KPNA6: variants seen among roughly 807,000 people sequenced by gnomAD.
KPNA6 encodes the protein karyopherin subunit alpha 6.
In KPNA6, 9 loss-of-function variants were observed where a neutral mutation model predicts 72.0. The observed-to-expected ratio is 0.13, with a 90% CI of 0.08 to 0.22. The LOEUF (loss-of-function observed/expected upper bound fraction) is 0.22, where lower values mean the gene tolerates loss of function less well. Among genes scored for constraint, KPNA6 ranks in the 10% least tolerant of loss-of-function variants. KPNA6 has a pLI of 1.00. For synonymous variants in KPNA6, 219 were observed against 242.1 expected (o/e 0.90, Z 0.89); for missense variants, 374 against 655.7 (o/e 0.57, Z 4.69).
intron 1 of KPNA6, among the ~76,000 whole-genome samples, chr1:32,122,773 C>T (rs1045386199): frequency 1.3e-5 from 2 of 151,796 alleles, no homozygotes; most frequent in Non-Finnish European, 2.9e-5. Flanking sequence ...CTAACCAACA[C>T]AGAGAAACCC....
intron 1 of KPNA6, among the ~76,000 whole-genome samples, chr1:32,116,509 T>C (rs772857602): frequency 6.6e-6 from 1 of 151,988 alleles, no homozygotes; most frequent in Non-Finnish European, 1.5e-5. Context: ...AAATACAAAA[T>C]TAGCCGGGTG....
intron 1 of KPNA6, among the ~76,000 whole-genome samples, chr1:32,148,275 G>GT (rs1379750913): frequency 6.6e-6 from 1 of 151,624 alleles, no homozygotes; most frequent in Non-Finnish European, 1.5e-5. Context: ...TGGCTAATTG[G>GT]TTTTTTAGTA....
chr1:32,124,457 C>G (rs1641495894), intron 1 of KPNA6, among the ~76,000 whole-genome samples: 1 of 150,744 alleles, frequency 6.6e-6, no homozygotes, highest in African/African-American at 2.4e-5. Flanking sequence ...GGGAGGATTG[C>G]TTGAGGCCAG....
chr1:32,155,240 A>G (rs1642115790), intron 2 of KPNA6, among the ~76,000 whole-genome samples: 2 of 151,860 alleles, frequency 1.3e-5, no homozygotes. Flanking sequence ...CCTTTTCACA[A>G]GTTAGACCAA....
intron 1 of KPNA6, among the ~76,000 whole-genome samples, chr1:32,144,796 A>C (rs1348620721): frequency 6.6e-6 from 1 of 151,598 alleles, no homozygotes; most frequent in Non-Finnish European, 1.5e-5. Context: ...GATTGCAAGG[A>C]TGTGCCACCA....
At chr1:32,144,027 A>G (rs1004100200) in intron 1 of KPNA6, among the ~76,000 whole-genome samples, 2 of 152,234 alleles carry the variant, frequency 1.3e-5, no homozygotes, top group Non-Finnish European at 2.9e-5. Context: ...GACAGATGGT[A>G]CCAAACCCTA....
chr1:32,142,070 A>T (rs1189933524), intron 1 of KPNA6, among the ~76,000 whole-genome samples: 1 of 151,956 alleles, frequency 6.6e-6, no homozygotes, highest in Non-Finnish European at 1.5e-5. Context: ...GACCAGCCTC[A>T]ACATGGTGAG....
In KPNA6 at chr1:32,173,390, G is replaced by T; in HGVS notation, c.*2496G>T. On this transcript the variant is annotated 3_prime_UTR_variant, in exon 14 of 14. Coordinates refer to ENST00000373625, the MANE Select transcript of KPNA6 (RefSeq NM_012316.5). ...TCAGCTCCGGGTCCTGTACCAGATG[G>T]AAAATGTTTTTGGTGATCTGGCTGC... 3.1e-6 allele frequency: 1 copy of T among 322,198 alleles called. No homozygotes were observed. Among genetic ancestry groups the T allele is most frequent in the East Asian group, 4.7e-5 (1 of 21,312 alleles). The allele number at this position is 322,198 out of a possible 1,614,324, so 20.0% of individuals were successfully genotyped here.
intron 10 of KPNA6, among the ~76,000 whole-genome samples, chr1:32,164,688 A>ATTTTTTTT (rs1188325674): frequency 8.4e-6 from 1 of 118,468 alleles, no homozygotes; most frequent in Admixed American, 8.5e-5. Context: ...CCATCTGTGT[A>ATTTTTTTT]TTTTTTTTTT....
intron 4 of KPNA6, 152 bp downstream of exon 4, chr1:32,157,597 C>T: frequency 1.2e-5 from 7 of 600,308 alleles, no homozygotes; most frequent in Non-Finnish European, 2.1e-5. Flanking sequence ...TTGCTACCTT[C>T]ACACTGGATA....
At position 32,171,617 on chromosome 1, in the gene KPNA6, C is replaced by G. The variant is rs547263996; in HGVS notation, c.*723C>G. The G allele has an allele frequency of 1.3e-5, 2 of 152,232 alleles. No homozygotes were observed. Among genetic ancestry groups the G allele is most frequent in the Admixed American group, 6.5e-5 (1 of 15,272 alleles). 9.4% of individuals were successfully genotyped at this position (152,232 alleles called of 1,614,324 possible). On this transcript the variant is annotated 3_prime_UTR_variant, in exon 14 of 14. Transcript: ENST00000373625. ...CCTCCCTCTGACTCTTTGCCCAGAC[C>G]TCTTTAGTTTGGGGGATCCTCCTCA...
At chr1:32,146,159 T>C (rs1641925770) in intron 1 of KPNA6, among the ~76,000 whole-genome samples, 1 of 152,242 alleles carries the variant, frequency 6.6e-6, no homozygotes. Flanking sequence ...ATCGATCTTC[T>C]GTCTAGGTGT....
At chr1:32,110,208 G>T (rs946429499) in intron 1 of KPNA6, among the ~76,000 whole-genome samples, 7 of 151,568 alleles carry the variant, frequency 4.6e-5, no homozygotes, top group African/African-American at 1.7e-4. Flanking sequence ...GGGATTACAG[G>T]CATCCACCAC....
chr1:32,114,743 AC>A (rs1479058906), intron 1 of KPNA6, among the ~76,000 whole-genome samples: 1 of 152,226 alleles, frequency 6.6e-6, no homozygotes, highest in Non-Finnish European at 1.5e-5. Flanking sequence ...TGTTTCTTCT[AC>A]ATTGAAAATC....
chr1:32,122,865 G>A (rs1164075932), intron 1 of KPNA6, among the ~76,000 whole-genome samples: 1 of 151,130 alleles, frequency 6.6e-6, no homozygotes, highest in East Asian at 1.9e-4. Context: ...GCTGAGGTAG[G>A]ACAGTCGCTT....
intron 1 of KPNA6, among the ~76,000 whole-genome samples, chr1:32,146,786 G>T (rs1641936606): frequency 6.6e-6 from 1 of 152,114 alleles, no homozygotes; most frequent in South Asian, 2.1e-4. Context: ...CTTTATCAGA[G>T]ATCTTTATTT....
chr1:32,126,381 G>C (rs773594899), intron 1 of KPNA6, among the ~76,000 whole-genome samples: 4 of 139,294 alleles, frequency 2.9e-5, no homozygotes, highest in African/African-American at 1.1e-4. Flanking sequence ...GAAGTCATCA[G>C]CATTTGTTTG....
intron 2 of KPNA6, among the ~76,000 whole-genome samples, chr1:32,155,326 CTT>C (rs1313895233): frequency 7.5e-6 from 1 of 133,340 alleles, no homozygotes; most frequent in African/African-American, 2.8e-5. Context: ...TTTTTTTTTT[CTT>C]TTTTTTTTTT....
chr1:32,162,169 A>C, intron 8 of KPNA6, 123 bp downstream of exon 8: 4 of 927,208 alleles, frequency 4.3e-6, no homozygotes, highest in Non-Finnish European at 6.8e-6. Flanking sequence ...TTGTTAGTGA[A>C]GTAGATGATC....
Sources: allele counts gnomAD v4.1 joint callset (sites outside exome capture counted in the v4.1 genomes callset), GRCh38; gene constraint gnomAD v4.1.1; transcripts MANE v1.5; gene names NCBI Gene and HGNC (gene_info 2026-07-23, HGNC 2026-07-21).